SRBD1: variants seen among roughly 807,000 people sequenced by gnomAD.
SRBD1 encodes the protein S1 RNA binding domain 1.
In SRBD1, 88 loss-of-function variants were observed where a neutral mutation model predicts 115.3. That is an observed-to-expected ratio of 0.76 (90% CI 0.64 to 0.91). The LOEUF is 0.91. Ranked by LOEUF, SRBD1 falls within the 40% of genes least tolerant of loss-of-function variation. SRBD1 has a pLI of 0.00. For synonymous variants in SRBD1, 509 were observed against 407.7 expected, an observed-to-expected ratio of 1.25 and a Z score of -2.99; for missense variants, 1,385 against 1,177.4, an observed-to-expected ratio of 1.18 and a Z score of -2.58.
chr2:45,571,543 C>A (rs1379264178), intron 9 of SRBD1, among the ~76,000 whole-genome samples: 91 of 61,920 alleles, frequency 1.5e-3, no homozygotes, highest in South Asian at 3.6e-3. Flanking sequence ...AAAAAAAAAA[C>A]TGTCCATGAG....
At chr2:45,492,238 A>G (rs1670318608) in intron 14 of SRBD1, among the ~76,000 whole-genome samples, 1 of 152,244 alleles carries the variant, frequency 6.6e-6, no homozygotes, top group Non-Finnish European at 1.5e-5. Context: ...AACAGAATTG[A>G]TATCTCTACA....
intron 14 of SRBD1, among the ~76,000 whole-genome samples, chr2:45,506,671 C>A (rs1446669724): frequency 6.6e-6 from 1 of 152,124 alleles, no homozygotes; most frequent in African/African-American, 2.4e-5. Flanking sequence ...TTTGTATTTT[C>A]AGATCTTCTT....
chr2:45,565,631 A>T (rs909086092), intron 9 of SRBD1, among the ~76,000 whole-genome samples: 2 of 152,224 alleles, frequency 1.3e-5, no homozygotes, highest in African/African-American at 4.8e-5. Flanking sequence ...AACTTCAACA[A>T]ATTTTAGTTT....
intron 4 of SRBD1, among the ~76,000 whole-genome samples, chr2:45,597,887 C>T (rs577536976): frequency 2.0e-5 from 3 of 152,264 alleles, no homozygotes; most frequent in South Asian, 2.1e-4. Context: ...CTCTTTACTA[C>T]GAATAACTTA....
intron 10 of SRBD1, among the ~76,000 whole-genome samples, chr2:45,562,433 C>T (rs928219311): frequency 1.3e-5 from 2 of 152,102 alleles, no homozygotes; most frequent in Admixed American, 1.3e-4. Flanking sequence ...AGGGTTTCAC[C>T]ATCTTGGCCA....
At chr2:45,533,657 C>A (rs1327330022) in intron 14 of SRBD1, among the ~76,000 whole-genome samples, 1 of 151,890 alleles carries the variant, frequency 6.6e-6, no homozygotes, top group Non-Finnish European at 1.5e-5. Context: ...TGTACATACG[C>A]AAACAGATTA....
At chr2:45,496,430 TAAAC>T (rs1461910934) in intron 14 of SRBD1, among the ~76,000 whole-genome samples, 3 of 151,070 alleles carry the variant, frequency 2.0e-5, no homozygotes, top group Non-Finnish European at 3.0e-5. Flanking sequence ...AAACCCCAAA[TAAAC>T]AAACAGAAAA....
chr2:45,419,779 T>C lies in SRBD1; in HGVS notation c.2156+9A>G, dbSNP rs1379331472. The C allele has an allele frequency of 6.2e-7, 1 of 1,612,266 alleles. No individual in the cohort carries two copies. Among genetic ancestry groups the C allele is most frequent in the African/African-American group, 1.3e-5 (1 of 74,900 alleles). The stretch of plus-strand genomic sequence containing the variant: ...GATTCTGTGATCTTCAGCCACATAT[T>C]TGTCTCACCTTAACAAAACTTCTGA... On this transcript the variant is annotated intron_variant, in intron 17 of 20. Coordinates refer to ENST00000263736, the MANE Select transcript of SRBD1 (RefSeq NM_018079.5).
chr2:45,432,203 A>G (rs1483652315), intron 16 of SRBD1, among the ~76,000 whole-genome samples: 1 of 151,910 alleles, frequency 6.6e-6, no homozygotes, highest in Non-Finnish European at 1.5e-5. Context: ...CTAATGTTGT[A>G]TTTTTAGTAC....
At chr2:45,460,803 C>G (rs568583141) in intron 16 of SRBD1, among the ~76,000 whole-genome samples, 1 of 152,332 alleles carries the variant, frequency 6.6e-6, no homozygotes, top group Admixed American at 6.5e-5. Context: ...GTGAAGACAT[C>G]TGAAAGTTTG....
intron 19 of SRBD1, among the ~76,000 whole-genome samples, chr2:45,393,360 C>G (rs1244494668): frequency 6.6e-6 from 1 of 152,146 alleles, no homozygotes; most frequent in African/African-American, 2.4e-5. Flanking sequence ...AATGAAGCAC[C>G]TGCTCAGAGT....
Position 45,562,659 on chromosome 2 carries a change from T to G in SRBD1, c.1403A>C (p.Gln468Pro), listed in dbSNP as rs781044775. 4 of 1,603,182 alleles carry G rather than the reference T, an allele frequency of 2.5e-6. No individual in the cohort carries two copies. The African/African-American group carries it at 5.4e-5, about 22-fold the overall frequency. Residue 468 changes from glutamine to proline, a missense_variant, in exon 10 of 21, where the codon CAA (glutamine) becomes CCA (proline). Coordinates refer to ENST00000263736, the MANE Select transcript of SRBD1 (RefSeq NM_018079.5). ...TAAATATCTGTAAACAGACCTGTTT[T>G]GGATGCACCACCTACAGAATTCATC... ...VKDEFCRWCI[Q>P]NRWRPRSFAR...
intron 16 of SRBD1, among the ~76,000 whole-genome samples, chr2:45,471,512 T>C (rs1558417484): frequency 6.6e-6 from 1 of 152,154 alleles, no homozygotes; most frequent in East Asian, 1.9e-4. Flanking sequence ...ACAGCAGTTC[T>C]TATTGTCTTA....
chr2:45,606,206 C>T (rs1024912010), intron 1 of SRBD1, among the ~76,000 whole-genome samples: 12 of 140,332 alleles, frequency 8.6e-5, no homozygotes, highest in Non-Finnish European at 1.8e-4. Context: ...GCTGTCCAAG[C>T]TGGAGTGCAA....
At position 45,558,684 on chromosome 2, in the gene SRBD1, TA is replaced by T. The variant is rs1183364016; in HGVS notation, c.1409+3968del. Among the ~76,000 whole-genome samples, 404 of 141,974 alleles carry T rather than the reference TA, an allele frequency of 2.8e-3. 5 individuals are homozygous for T. Among genetic ancestry groups the T allele is most frequent in the African/African-American group, 9.3e-3 (339 of 36,366 alleles). The allele number at this position is 141,974 out of a possible 152,430, so 93.1% of individuals were successfully genotyped here. On this transcript the variant is annotated intron_variant, in intron 10 of 20. Coordinates refer to ENST00000263736, the MANE Select transcript of SRBD1 (RefSeq NM_018079.5). ...TACCTTATTGTTCAAGCCACACAAT[TA>T]TTTTTTTTTTTTTTTTTTTTTTTGA...
intron 16 of SRBD1, among the ~76,000 whole-genome samples, chr2:45,448,858 A>C (rs1054504370): frequency 1.3e-5 from 2 of 152,190 alleles, no homozygotes; most frequent in African/African-American, 4.8e-5. Context: ...AATTACAGCA[A>C]ATTAGAGCAG....
chr2:45,478,101 T>C (rs1021272750), intron 15 of SRBD1, among the ~76,000 whole-genome samples: 1 of 152,186 alleles, frequency 6.6e-6, no homozygotes, highest in African/African-American at 2.4e-5. Flanking sequence ...CAGTAGCATA[T>C]TTACACTGAG....
chr2:45,475,088 T>C lies in SRBD1; in HGVS notation c.2049+1905A>G, dbSNP rs144183761. ...CTCCTACTTGACATCTTTCCTTGGA[T>C]TTCTTATAGGCATCTCAAACTTAAC... On this transcript the variant is annotated intron_variant, in intron 16 of 20. Transcript: ENST00000263736. Among the ~76,000 whole-genome samples, 34 of 152,296 alleles carry C rather than the reference T, an allele frequency of 2.2e-4. No homozygotes were observed. The East Asian group carries it at 6.2e-3, about 28-fold the overall frequency.
intron 16 of SRBD1, among the ~76,000 whole-genome samples, chr2:45,474,667 C>T (rs1297628697): frequency 1.3e-5 from 2 of 152,172 alleles, no homozygotes; most frequent in African/African-American, 4.8e-5. Context: ...CTGCACCTAC[C>T]TCAAGAACAT....
Sources: gnomAD v4.1 joint callset for allele counts (sites outside exome capture counted in the v4.1 genomes callset) on GRCh38, gnomAD v4.1.1 for gene constraint, MANE v1.5 for transcripts, NCBI Gene and HGNC (gene_info 2026-07-23, HGNC 2026-07-21) for gene names.